ATP8A2: variants seen among roughly 807,000 people sequenced by gnomAD.
ATP8A2 encodes the protein phospholipid-transporting ATPase IB.
ATP8A2 carries 100 observed loss-of-function variants against 165.6 expected under a neutral mutation model. That is an observed-to-expected ratio of 0.60 (90% CI 0.51 to 0.71). The LOEUF (loss-of-function observed/expected upper bound fraction) is 0.71. Among genes scored for constraint, ATP8A2 ranks in the 30% least tolerant of loss-of-function variants. The pLI is 0.00. For synonymous variants in ATP8A2, 543 were observed against 548.8 expected (o/e 0.99, Z 0.15); for missense variants, 1,227 against 1,479.5 (o/e 0.83, Z 2.80).
chr13:25,719,157 C>G (rs1392708619), intron 25 of ATP8A2, among the ~76,000 whole-genome samples: 1 of 152,188 alleles, frequency 6.6e-6, no homozygotes, highest in Non-Finnish European at 1.5e-5. Flanking sequence ...CGGCTCTATG[C>G]TTTAATTTTG....
intron 33 of ATP8A2, among the ~76,000 whole-genome samples, chr13:25,913,068 A>G (rs1327985778): frequency 6.6e-6 from 1 of 152,210 alleles, no homozygotes; most frequent in African/African-American, 2.4e-5. Flanking sequence ...GCAATTTTCT[A>G]AAGAATCGCA....
rs184179369 is a variant in ATP8A2, at chr13:25,386,975, C to T, written c.76+14687C>T. Among the ~76,000 whole-genome samples the T allele has an allele frequency of 0.013, 1,307 of 97,598 alleles. 54 individuals are homozygous for T. In the East Asian group the frequency reaches 0.2, roughly 15 times the overall value. The allele number at this position is 97,598 out of a possible 152,430, so 64.0% of individuals were successfully genotyped here. A position where few individuals can be genotyped will look rare whatever the true frequency, so the allele number is the denominator to read the frequency against. On this transcript the variant is annotated intron_variant, in intron 1 of 36. Coordinates refer to ENST00000381655, the MANE Select transcript of ATP8A2 (RefSeq NM_016529.6). ...TCGCGCCCTTGCACTCCAGCCTGGG[C>T]GTCAGAGCGAGACTCCATCTCAAAA...
intron 6 of ATP8A2, among the ~76,000 whole-genome samples, chr13:25,535,867 G>GT (rs2038264129): frequency 6.6e-6 from 1 of 151,606 alleles, no homozygotes; most frequent in Non-Finnish European, 1.5e-5. Context: ...CAAAATCCAA[G>GT]TAAGTCATTT....
intron 1 of ATP8A2, among the ~76,000 whole-genome samples, chr13:25,397,306 A>G (rs1178533202): frequency 1.3e-5 from 2 of 152,190 alleles, no homozygotes; most frequent in East Asian, 1.9e-4. Flanking sequence ...GTCCACATGA[A>G]TTATCAAAAC....
chr13:25,836,285 T>A (rs1280057182), intron 28 of ATP8A2, among the ~76,000 whole-genome samples: 2 of 152,160 alleles, frequency 1.3e-5, no homozygotes, highest in Non-Finnish European at 1.5e-5. Flanking sequence ...TTTGGTCAGG[T>A]CTGCTGGGGC....
intron 35 of ATP8A2, among the ~76,000 whole-genome samples, chr13:25,993,954 T>C (rs1483680891): frequency 6.6e-6 from 1 of 152,198 alleles, no homozygotes; most frequent in Non-Finnish European, 1.5e-5. Context: ...TGCTGTGTTT[T>C]CCAATCCATG....
At chr13:25,714,073 C>T (rs970187667) in intron 25 of ATP8A2, among the ~76,000 whole-genome samples, 1 of 151,756 alleles carries the variant, frequency 6.6e-6, no homozygotes, top group African/African-American at 2.4e-5. Flanking sequence ...CTTTGATTAA[C>T]CCAGAGTTTG....
intron 35 of ATP8A2, among the ~76,000 whole-genome samples, chr13:25,999,863 G>T (rs1021934469): frequency 6.6e-6 from 1 of 152,142 alleles, no homozygotes; most frequent in African/African-American, 2.4e-5. Flanking sequence ...TCGTAGTTCC[G>T]TGGTATATAA....
intron 33 of ATP8A2, among the ~76,000 whole-genome samples, chr13:25,929,931 G>A (rs1019677974): frequency 3.3e-5 from 5 of 152,098 alleles, no homozygotes; most frequent in East Asian, 3.9e-4. Flanking sequence ...CTTCCCGAAC[G>A]TGAACTCCCA....
intron 33 of ATP8A2, among the ~76,000 whole-genome samples, chr13:25,935,732 G>A (rs957632351): frequency 1.3e-5 from 2 of 152,142 alleles, no homozygotes; most frequent in African/African-American, 2.4e-5. Flanking sequence ...TGAGGGATCT[G>A]CCCCCATGGT....
Position 25,750,025 on chromosome 13 carries a change from CGAA to C in ATP8A2, c.2385-19011_2385-19009del, listed in dbSNP as rs529253388. Among the ~76,000 whole-genome samples, 24 of 152,072 alleles carry C rather than the reference CGAA, an allele frequency of 1.6e-4. No individual in the cohort carries two copies. Among genetic ancestry groups the C allele is most frequent in the Non-Finnish European group, 2.9e-4 (20 of 68,008 alleles). On this transcript the variant is annotated intron_variant, in intron 25 of 36. Transcript: ENST00000381655. This position sits in a 1 kb window ranked among gnomAD's most constrained non-coding sequence, Gnocchi z 4.3. Reference sequence around the variant, plus strand: ...AATAAAACAAAACAAAACAAAAAAACGAAGAAGAAGAATTATTTGCATGTATGT... The same window carrying C: ...AATAAAACAAAACAAAACAAAAAAACGAAGAAGAATTATTTGCATGTATGT...
intron 1 of ATP8A2, among the ~76,000 whole-genome samples, chr13:25,443,016 G>A (rs917094041): frequency 9.2e-5 from 14 of 152,226 alleles, no homozygotes; most frequent in African/African-American, 3.4e-4. Context: ...TCTGTTTATA[G>A]TATTAATAGT....
chr13:25,763,771 C>T (rs916768250), intron 25 of ATP8A2, among the ~76,000 whole-genome samples: 9 of 152,164 alleles, frequency 5.9e-5, no homozygotes, highest in Non-Finnish European at 1.2e-4. Context: ...CAGAAGGGAA[C>T]GACTGTCCAG....
At chr13:25,707,338 C>G (rs965216312) in intron 25 of ATP8A2, among the ~76,000 whole-genome samples, 27 of 151,478 alleles carry the variant, frequency 1.8e-4, no homozygotes, top group Admixed American at 1.7e-3. Context: ...ATGAATTACT[C>G]TATAAGATCA....
intron 25 of ATP8A2, among the ~76,000 whole-genome samples, chr13:25,746,618 G>C (rs188655338): frequency 6.6e-6 from 1 of 152,146 alleles, no homozygotes; most frequent in African/African-American, 2.4e-5. Flanking sequence ...GCTCATTTGT[G>C]GGAAAGCTGG....
chr13:25,562,829 C>A (rs1179002785), intron 15 of ATP8A2, among the ~76,000 whole-genome samples: 1 of 151,954 alleles, frequency 6.6e-6, no homozygotes, highest in Non-Finnish European at 1.5e-5. Flanking sequence ...GTGGAAGTTT[C>A]AGTTGTCTGG....
Position 26,006,805 on chromosome 13 carries a change from C to T in ATP8A2, c.3378-5726C>T, listed in dbSNP as rs140862580. Among the ~76,000 whole-genome samples, 1,239 of 151,804 alleles carry T rather than the reference C, an allele frequency of 8.2e-3. 5 individuals carry two copies. The highest frequency in any genetic ancestry group is 0.013 in the Non-Finnish European group (886 of 67,844). ...TATTTTTTCCTACATTCTATTAATG[C>T]GGTATATTATATTGCTTGATTTTTA... On this transcript the variant is annotated intron_variant, in intron 35 of 36. Coordinates refer to ENST00000381655, the MANE Select transcript of ATP8A2 (RefSeq NM_016529.6).
intron 33 of ATP8A2, among the ~76,000 whole-genome samples, chr13:25,862,866 G>C (rs1455050308): frequency 6.6e-6 from 1 of 152,184 alleles, no homozygotes; most frequent in Admixed American, 6.5e-5. Flanking sequence ...CCAGATCATT[G>C]ATAAACCAGA....
chr13:25,626,642 G>A (rs1217105996), intron 24 of ATP8A2, among the ~76,000 whole-genome samples: 1 of 152,152 alleles, frequency 6.6e-6, no homozygotes, highest in Non-Finnish European at 1.5e-5. Context: ...TGAAAGATAA[G>A]TAAGAGGATG....
Sources: gnomAD v4.1 joint callset for allele counts (sites outside exome capture counted in the v4.1 genomes callset) on GRCh38, gnomAD v4.1.1 for gene constraint, Gnocchi (gnomAD v3.1) non-coding constraint, MANE v1.5 for transcripts, NCBI Gene and HGNC (gene_info 2026-07-23, HGNC 2026-07-21) for gene names.